CDH4: variants seen among roughly 807,000 people sequenced by gnomAD.
CDH4 encodes cadherin 4.
Under a neutral mutation model 86.0 loss-of-function variants are expected in CDH4, and 33 were observed. That is an observed-to-expected ratio of 0.38 (90% CI 0.29 to 0.51). The LOEUF is 0.51. CDH4 is among the 20% of genes least tolerant of loss of function. The pLI is 0.86. For synonymous variants in CDH4, 555 were observed against 549.4 expected (o/e 1.01, Z -0.14); for missense variants, 1,114 against 1,307.4 (o/e 0.85, Z 2.28).
At chr20:61,815,948 C>T (rs1568831215) in intron 4 of CDH4, among the ~76,000 whole-genome samples, 2 of 152,196 alleles carry the variant, frequency 1.3e-5, no homozygotes, top group African/African-American at 2.4e-5. Context: ...TCTCAATTTA[C>T]AAAAGAAGGT....
rs1447753045 is a variant in CDH4, at chr20:61,939,096, G to C, written c.*2153G>C. On this transcript the variant is annotated 3_prime_UTR_variant, in exon 16 of 16. Coordinates refer to ENST00000614565, the MANE Select transcript of CDH4 (RefSeq NM_001794.5). ...CGTTGGAGGTATAGCTGGGCGGGTA[G>C]TGGAAGGACTGGAAATCTCTGTTGT... is the stretch of plus-strand genomic sequence containing the variant. 2.6e-5 allele frequency: 4 copies of C among 152,492 alleles called. No individual in the cohort carries two copies. Among genetic ancestry groups the C allele is most frequent in the Non-Finnish European group, 5.9e-5 (4 of 68,234 alleles). The allele number at this position is 152,492 out of a possible 1,614,324, so 9.4% of individuals were successfully genotyped here. A position where few individuals can be genotyped will look rare whatever the true frequency, so the allele number is the denominator to read the frequency against.
At chr20:61,471,411 C>T (rs1301199843) in intron 2 of CDH4, among the ~76,000 whole-genome samples, 2 of 151,596 alleles carry the variant, frequency 1.3e-5, no homozygotes, top group African/African-American at 2.4e-5. Context: ...TGGGTCTTCT[C>T]TCTTTTTTTT....
At chr20:61,763,987 GTC>G (rs762490964) in intron 3 of CDH4, among the ~76,000 whole-genome samples, 3 of 152,106 alleles carry the variant, frequency 2.0e-5, no homozygotes, top group South Asian at 2.1e-4. Flanking sequence ...TGCATTCTTT[GTC>G]TCTCGCTTGC....
chr20:61,755,279 ACACACACGCCC>A (rs2088548130), intron 3 of CDH4, among the ~76,000 whole-genome samples: 2 of 128,032 alleles, frequency 1.6e-5, no homozygotes, highest in Admixed American at 1.5e-4. Flanking sequence ...TACCACACAC[ACACACACGCCC>A]CACACACACC....
chr20:61,820,082 G>A (rs558953282), intron 4 of CDH4, among the ~76,000 whole-genome samples: 3 of 152,268 alleles, frequency 2.0e-5, no homozygotes, highest in Admixed American at 1.3e-4. Context: ...CTTCAGACTC[G>A]GGGGGTCCTG....
At chr20:61,504,621 G>C (rs2085727471) in intron 2 of CDH4, among the ~76,000 whole-genome samples, 1 of 152,226 alleles carries the variant, frequency 6.6e-6, no homozygotes, top group Admixed American at 6.5e-5. Context: ...CTTTTCAGCA[G>C]AGCGGAGGAT....
chr20:61,577,590 T>C (rs16985267), intron 2 of CDH4, among the ~76,000 whole-genome samples: 11,447 of 152,152 alleles, frequency 0.075, 644 homozygotes, highest in East Asian at 0.24. Context: ...GAATCTCTGA[T>C]TTTCTTGGGC....
chr20:61,535,704 T>C (rs1380996653), intron 2 of CDH4, among the ~76,000 whole-genome samples: 1 of 152,090 alleles, frequency 6.6e-6, no homozygotes, highest in East Asian at 1.9e-4. Context: ...CCGGGCTGCA[T>C]ACCCCTGAGC....
Position 61,676,011 on chromosome 20 carries a change from AC to A in CDH4, c.170-67551del, listed in dbSNP as rs1343554451. On this transcript the variant is annotated intron_variant, in intron 2 of 15. Coordinates refer to ENST00000614565, the MANE Select transcript of CDH4 (RefSeq NM_001794.5). The surrounding 1 kb of genome is among the most constrained non-coding windows in gnomAD (Gnocchi z 4.5). ...CAGAGCACAGGCTCAGGCTCCTGGC[AC>A]TGCCTGCTTAGGACCCTCAGACGGC... Among the ~76,000 whole-genome samples the A allele has an allele frequency of 2.0e-5, 3 of 152,178 alleles. No individual in the cohort carries two copies. The highest frequency in any genetic ancestry group is 1.5e-5 in the Non-Finnish European group (1 of 68,026).
At chr20:61,444,824 T>A (rs1476978685) in intron 2 of CDH4, among the ~76,000 whole-genome samples, 1 of 152,196 alleles carries the variant, frequency 6.6e-6, no homozygotes, top group Admixed American at 6.5e-5. Context: ...TGTGTGTCTT[T>A]GTGTACATCT....
At chr20:61,457,950 TGGTGATGG>T (rs2085418301) in intron 2 of CDH4, among the ~76,000 whole-genome samples, 1 of 146,700 alleles carries the variant, frequency 6.8e-6, no homozygotes, top group Non-Finnish European at 1.5e-5. Context: ...GTGGTAATAG[TGGTGATGG>T]TATAGTCATG....
At chr20:61,508,513 G>A (rs1376123558) in intron 2 of CDH4, among the ~76,000 whole-genome samples, 2 of 152,262 alleles carry the variant, frequency 1.3e-5, no homozygotes, top group Non-Finnish European at 2.9e-5. Flanking sequence ...CCTGAGCAGA[G>A]CAGGTGGACA....
intron 4 of CDH4, among the ~76,000 whole-genome samples, chr20:61,814,860 C>T (rs969367694): frequency 6.6e-6 from 1 of 152,188 alleles, no homozygotes; most frequent in Non-Finnish European, 1.5e-5. Flanking sequence ...TCAGTCCTCT[C>T]TGATCCCTGC....
rs544002186 is a variant in CDH4, at chr20:61,921,578, C to T, written c.1375-1873C>T. On this transcript the variant is annotated intron_variant, in intron 9 of 15. Transcript: ENST00000614565. Reference sequence around the variant, plus strand: ...ACCAGCCTGGTCAACATAGTGAAACCTCGTCTCTACTAAAAATATAAAAAT... The same window carrying T: ...ACCAGCCTGGTCAACATAGTGAAACTTCGTCTCTACTAAAAATATAAAAAT... 3.9e-5 allele frequency among the ~76,000 whole-genome samples: 6 copies of T among 152,286 alleles called. No homozygotes were observed. In the East Asian group the frequency reaches 9.7e-4, roughly 25 times the overall value.
At position 61,341,528 on chromosome 20, in the gene CDH4, T is replaced by C. The variant is rs573609303; in HGVS notation, c.169+86591T>C. 2.0e-5 allele frequency among the ~76,000 whole-genome samples: 3 copies of C among 151,720 alleles called. No individual in the cohort carries two copies. In the East Asian group the frequency reaches 5.8e-4, roughly 29 times the overall value. On this transcript the variant is annotated intron_variant, in intron 2 of 15. Transcript: ENST00000614565. ...TGGTTTCATATACTTTTTTTTCTTT[T>C]TTTTTTTTTTTAGATGAAATGGTGT...
intron 2 of CDH4, among the ~76,000 whole-genome samples, chr20:61,534,653 CTTTCTTTCTTTCTTTT>C (rs2085981237): frequency 4.3e-5 from 4 of 92,770 alleles, no homozygotes; most frequent in African/African-American, 1.6e-4. Context: ...TCTTTCTTTT[CTTTCTTTCTTTCTTTT>C]TTTTTTTTTT....
rs6015948 is a variant in CDH4 at position 61,321,903 on chromosome 20, A to G, written c.169+66966A>G. On this transcript the variant is annotated intron_variant, in intron 2 of 15. Coordinates refer to ENST00000614565, the MANE Select transcript of CDH4 (RefSeq NM_001794.5). ...TACAATAAGCATAACAATATAACAT[A>G]TAAGAATAATATATTGTAGCATATA... Among the ~76,000 whole-genome samples the G allele has an allele frequency of 2.2e-3, 336 of 151,912 alleles. 2 individuals carry two copies. The highest frequency in any genetic ancestry group is 7.8e-3 in the African/African-American group (323 of 41,454).
At chr20:61,330,681 G>C (rs562333477) in intron 2 of CDH4, among the ~76,000 whole-genome samples, 7 of 152,188 alleles carry the variant, frequency 4.6e-5, no homozygotes, top group Non-Finnish European at 1.0e-4. Flanking sequence ...TCATTCCCAC[G>C]AACGGGGTCA....
chr20:61,782,988 G>T (rs1419167792), intron 4 of CDH4, among the ~76,000 whole-genome samples: 3 of 152,198 alleles, frequency 2.0e-5, no homozygotes, highest in Non-Finnish European at 4.4e-5. Context: ...AGGAGGCTGA[G>T]GCATGAGAAT....
Sources: allele counts gnomAD v4.1 joint callset (sites outside exome capture counted in the v4.1 genomes callset), GRCh38; gene constraint gnomAD v4.1.1; non-coding constraint Gnocchi (gnomAD v3.1); transcripts MANE v1.5; gene names NCBI Gene and HGNC (gene_info 2026-07-23, HGNC 2026-07-21).